The following ATL3 variants were observed in gnomAD, a reference collection of about 807,000 sequenced individuals.
ATL3 encodes the protein atlastin GTPase 3.
ATL3 carries 49 observed loss-of-function variants against 69.5 expected under a neutral mutation model. The ratio of observed to expected loss-of-function variants is 0.71; its 90% CI spans 0.56 to 0.89. The LOEUF (loss-of-function observed/expected upper bound fraction) is 0.89. Ranked by LOEUF, ATL3 falls within the 40% of genes least tolerant of loss-of-function variation. The pLI is 0.00. For missense variants in ATL3, 606 were observed against 645.7 expected (o/e 0.94, Z 0.67); for synonymous variants, 214 against 224.1 (o/e 0.95, Z 0.40).
At chr11:63,665,866 C>CAA (rs879791369) in intron 1 of ATL3, among the ~76,000 whole-genome samples, 2 of 136,582 alleles carry the variant, frequency 1.5e-5, no homozygotes, top group African/African-American at 2.7e-5. Context: ...GACCCTGTCT[C>CAA]AAAAAAAAAA....
intron 10 of ATL3, among the ~76,000 whole-genome samples, chr11:63,633,479 C>T (rs1164319012): frequency 6.6e-6 from 1 of 151,920 alleles, no homozygotes; most frequent in African/African-American, 2.4e-5. Context: ...AATCTCAGCA[C>T]ACTACAACCT....
At chr11:63,630,454 CAAAGGGGA>C (rs1939274254) in intron 12 of ATL3, among the ~76,000 whole-genome samples, 1 of 144,254 alleles carries the variant, frequency 6.9e-6, no homozygotes, top group Non-Finnish European at 1.5e-5. Flanking sequence ...AAAAAGTTGC[CAAAGGGGA>C]ACACAATCAG....
chr11:63,632,670 G>A (rs1325734143), intron 11 of ATL3: 2 of 1,188,940 alleles, frequency 1.7e-6, no homozygotes, highest in Admixed American at 1.7e-5. Context: ...GCCTCTGAGT[G>A]ATTTTGGATT....
intron 1 of ATL3, among the ~76,000 whole-genome samples, chr11:63,663,504 C>T (rs1033200697): frequency 2.0e-5 from 3 of 152,146 alleles, no homozygotes; most frequent in African/African-American, 7.2e-5. Flanking sequence ...AAATGTCATG[C>T]TATCATTGTA....
At chr11:63,670,559 TACACGGTG>T (rs1369815840) in intron 1 of ATL3, 2 of 152,258 alleles carry the variant, frequency 1.3e-5, no homozygotes, top group African/African-American at 4.8e-5. Context: ...GATCCGTGAA[TACACGGTG>T]ACTCCTTATT....
In ATL3 at chr11:63,658,877, C is replaced by G. The variant is rs1343138230; in HGVS notation, c.289G>C (p.Gly97Arg). ...CCTGTTAACGGTTCTTCTGGGTCAC[C>G]CAACCAATTTGAATGGCCACTTTCC... ...QKESGHSNWL[G>R]DPEEPLTGFS... is the part of the protein sequence containing the mutation. The change falls in exon 3 of 13, where the codon GGT (glycine) becomes CGT (arginine). Residue 97 changes from glycine to arginine, a missense_variant. By Grantham distance (125) the Gly-to-Arg change is moderately radical. Coordinates refer to ENST00000398868, the MANE Select transcript of ATL3 (RefSeq NM_015459.5). 6 of 1,605,934 alleles carry G rather than the reference C, an allele frequency of 3.7e-6. No homozygotes were observed. Among genetic ancestry groups the G allele is most frequent in the Admixed American group, 1.7e-5 (1 of 58,300 alleles).
Position 63,628,834 on chromosome 11 carries a change from C to CAAAAAAAAAAAAAAAAAAA in ATL3, c.*466_*484dup, listed in dbSNP as rs551769719. On this transcript the variant is annotated 3_prime_UTR_variant, in exon 13 of 13. Transcript: ENST00000398868. ...CTGGTGACAGAGCGAGACTCCAACT[C>CAAAAAAAAAAAAAAAAAAA]AAAAAAAAAAAAAAAAAAAAAAAGA... 1.6e-5 allele frequency: 1 copy of CAAAAAAAAAAAAAAAAAAA among 61,708 alleles called. No individual in the cohort carries two copies. The highest frequency in any genetic ancestry group is 3.2e-5 in the Non-Finnish European group (1 of 31,178). The allele number at this position is 61,708 out of a possible 1,614,324, so 3.8% of individuals were successfully genotyped here. A position where few individuals can be genotyped will look rare whatever the true frequency, so the allele number is the denominator to read the frequency against.
chr11:63,629,833 G>GGGTGACAA (rs1396264255), intron 12 of ATL3, among the ~76,000 whole-genome samples: 5 of 151,864 alleles, frequency 3.3e-5, no homozygotes, highest in Non-Finnish European at 7.4e-5. Flanking sequence ...AAGTTACAAT[G>GGGTGACAA]AGCTAAGATA....
chr11:63,671,197 G>C, intron 1 of ATL3, 93 bp downstream of exon 1: 1 of 1,456,984 alleles, frequency 6.9e-7, no homozygotes, highest in South Asian at 1.4e-5. Context: ...GACGAGGAAG[G>C]GCGGCGGCGC....
At chr11:63,637,186 G>A (rs190324034) in intron 8 of ATL3, among the ~76,000 whole-genome samples, 1 of 151,240 alleles carries the variant, frequency 6.6e-6, no homozygotes, top group Admixed American at 6.6e-5. Flanking sequence ...CTGAAGCAGA[G>A]AATAGCTTGA....
intron 8 of ATL3, among the ~76,000 whole-genome samples, chr11:63,642,690 A>G (rs985127864): frequency 1.3e-5 from 2 of 152,238 alleles, no homozygotes; most frequent in Non-Finnish European, 2.9e-5. Context: ...AAAGGAAATG[A>G]CATCAAAGTC....
In ATL3 at chr11:63,652,521, T is replaced by C. The variant is rs1404515136; in HGVS notation, c.460A>G (p.Lys154Glu). The change falls in exon 4 of 13, where the codon AAA becomes GAA. Residue 154 changes from lysine to glutamate, a missense_variant. Lys to Glu is a moderately conservative substitution (Grantham distance 56, BLOSUM62 1). Transcript: ENST00000398868. ...QGAFDSQSTV[K>E]DCATIFALST... ...AGAGCAAAGATGGTAGCACAGTCTT[T>C]CACAGTTGACTGGCTGTCAAATGCC... is the stretch of plus-strand genomic sequence containing the variant. 3.1e-6 allele frequency: 5 copies of C among 1,612,068 alleles called. No individual in the cohort carries two copies. The highest frequency in any genetic ancestry group is 4.2e-6 in the Non-Finnish European group (5 of 1,178,744).
intron 10 of ATL3, among the ~76,000 whole-genome samples, chr11:63,633,309 A>G (rs1442801626): frequency 2.6e-5 from 4 of 152,208 alleles, no homozygotes; most frequent in African/African-American, 9.6e-5. Flanking sequence ...ATACATAGAA[A>G]TATGTATTCT....
chr11:63,647,242 G>A (rs1365972918), intron 5 of ATL3, among the ~76,000 whole-genome samples: 2 of 152,142 alleles, frequency 1.3e-5, no homozygotes, highest in Admixed American at 6.5e-5. Flanking sequence ...TTGTTGCCCA[G>A]GCTGGAGCGT....
chr11:63,640,113 C>T (rs993990006), intron 8 of ATL3, among the ~76,000 whole-genome samples: 1 of 151,870 alleles, frequency 6.6e-6, no homozygotes, highest in Admixed American at 6.6e-5. Context: ...TTTTTAGTAG[C>T]GATGGGGTTT....
In ATL3 at chr11:63,625,567, C is replaced by G. The variant is rs1299206884; in HGVS notation, c.*3752G>C. On this transcript the variant is annotated 3_prime_UTR_variant, in exon 13 of 13. Coordinates refer to ENST00000398868, the MANE Select transcript of ATL3 (RefSeq NM_015459.5). ...ACATACTTATCCAAACTCACCCTAT[C>G]CAAGGCACCATTTTACAAGCCAAGT... The G allele has an allele frequency of 6.6e-6, 1 of 152,184 alleles. No homozygotes were observed. The highest frequency in any genetic ancestry group is 1.5e-5 in the Non-Finnish European group (1 of 68,044). 9.4% of individuals were successfully genotyped at this position (152,184 alleles called of 1,614,324 possible). A position where few individuals can be genotyped will look rare whatever the true frequency, so the allele number is the denominator to read the frequency against.
At chr11:63,658,589 T>A (rs898406650) in intron 3 of ATL3, among the ~76,000 whole-genome samples, 172 bp downstream of exon 3, 8 of 152,224 alleles carry the variant, frequency 5.3e-5, no homozygotes, top group African/African-American at 1.9e-4. Flanking sequence ...AAAATCCTAT[T>A]TATCCACAAC....
At chr11:63,632,713 CTGA>C (rs1939363654) in intron 11 of ATL3, 1 of 1,257,244 alleles carries the variant, frequency 8.0e-7, no homozygotes, top group East Asian at 2.3e-5. Flanking sequence ...CACAGATTTT[CTGA>C]TGATTAGTAA....
chr11:63,671,721 G>T (rs947362764), upstream of ATL3: 2 of 1,267,882 alleles, frequency 1.6e-6, no homozygotes, highest in Non-Finnish European at 2.0e-6. Flanking sequence ...CTCATACTGC[G>T]CACTCATCTG....
Sources: allele counts gnomAD v4.1 joint callset (sites outside exome capture counted in the v4.1 genomes callset), GRCh38; gene constraint gnomAD v4.1.1; transcripts MANE v1.5; gene names NCBI Gene and HGNC (gene_info 2026-07-23, HGNC 2026-07-21).